Variants in EFNA5 observed in about 807,000 individuals in gnomAD.
EFNA5 encodes ephrin A5, also known as ephrin-A5.
EFNA5 carries 5 observed loss-of-function variants against 22.9 expected under a neutral mutation model. The observed-to-expected ratio is 0.22, with a 90% CI of 0.11 to 0.46. The LOEUF is 0.46. EFNA5 is among the 20% of genes least tolerant of loss of function. The pLI is 0.99. For synonymous variants in EFNA5, 113 were observed against 112.2 expected (o/e 1.01, Z -0.04); for missense variants, 237 against 293.3 (o/e 0.81, Z 1.40).
chr5:107,389,006 TGGA>T (rs964417355), intron 2 of EFNA5, among the ~76,000 whole-genome samples: 36 of 152,320 alleles, frequency 2.4e-4, no homozygotes, highest in African/African-American at 8.7e-4. Context: ...GTAACCCTCC[TGGA>T]GGAGAACTTC....
chr5:107,610,462 C>A (rs1381350117), intron 1 of EFNA5, among the ~76,000 whole-genome samples: 1 of 152,162 alleles, frequency 6.6e-6, no homozygotes. Flanking sequence ...AAACACGTTA[C>A]GTGAAAAAGC....
intron 1 of EFNA5, among the ~76,000 whole-genome samples, chr5:107,520,810 G>A (rs1747580855): frequency 6.6e-6 from 1 of 152,174 alleles, no homozygotes; most frequent in Admixed American, 6.5e-5. Context: ...GGATCAAGAT[G>A]TATTTGCTGT....
chr5:107,477,582 T>C (rs1157196010), intron 1 of EFNA5, among the ~76,000 whole-genome samples: 1 of 152,178 alleles, frequency 6.6e-6, no homozygotes, highest in East Asian at 1.9e-4. Flanking sequence ...GGATACATGT[T>C]ATAAATCTTT....
intron 2 of EFNA5, among the ~76,000 whole-genome samples, chr5:107,395,064 T>G (rs929614188): frequency 7.4e-6 from 1 of 135,660 alleles, no homozygotes; most frequent in Non-Finnish European, 1.6e-5. Flanking sequence ...CGCGAGACAG[T>G]GTCTCATTCT....
rs182878996 is a variant in EFNA5 at position 107,411,820 on chromosome 5, C to T, written c.418+15397G>A. ...AGGCTGGGCTCGAGCGACTCTCCTG[C>T]CTTGGCTTCCTAAAGCACTGGAATT... On this transcript the variant is annotated intron_variant, in intron 2 of 4. Transcript: ENST00000333274. Among the ~76,000 whole-genome samples, 26 of 152,122 alleles carry T rather than the reference C, an allele frequency of 1.7e-4. No individual in the cohort carries two copies. In the East Asian group the frequency reaches 4.8e-3, roughly 28 times the overall value.
At chr5:107,609,755 C>T (rs1749791066) in intron 1 of EFNA5, among the ~76,000 whole-genome samples, 1 of 152,076 alleles carries the variant, frequency 6.6e-6, no homozygotes, top group Admixed American at 6.6e-5. Context: ...TCCAAACACA[C>T]AGTCCTTGTG....
intron 1 of EFNA5, among the ~76,000 whole-genome samples, chr5:107,638,933 T>C (rs1298713554): frequency 1.3e-5 from 2 of 152,178 alleles, no homozygotes; most frequent in African/African-American, 4.8e-5. Flanking sequence ...CAAAACATTG[T>C]AAACCATAAA....
chr5:107,393,368 A>G (rs1418035447), intron 2 of EFNA5, among the ~76,000 whole-genome samples: 1 of 152,216 alleles, frequency 6.6e-6, no homozygotes. Context: ...TTTTAGCAGA[A>G]AAGGAAGGAA....
chr5:107,476,058 T>TATATATATATATGTATATATATATATATA lies in EFNA5; in HGVS notation c.126-48550_126-48549insTATATATATATATATACATATATATATAT. Among the ~76,000 whole-genome samples, 8 of 41,076 alleles carry TATATATATATATGTATATATATATATATA rather than the reference T, an allele frequency of 1.9e-4. 1 individual carries two copies. Among genetic ancestry groups the TATATATATATATGTATATATATATATATA allele is most frequent in the African/African-American group, 3.9e-4 (2 of 5,184 alleles). 26.9% of individuals were successfully genotyped at this position (41,076 alleles called of 152,430 possible). A position where few individuals can be genotyped will look rare whatever the true frequency, so the allele number is the denominator to read the frequency against. ...GAGAGTTTTTAAACTATATATATAT[T>TATATATATATATGTATATATATATATATA]TTTTTTTTTTGAGACAGAGTCTTGC... On this transcript the variant is annotated intron_variant, in intron 1 of 4. Transcript: ENST00000333274.
chr5:107,528,660 T>C (rs1298604111), intron 1 of EFNA5, among the ~76,000 whole-genome samples: 1 of 152,208 alleles, frequency 6.6e-6, no homozygotes, highest in African/African-American at 2.4e-5. Flanking sequence ...TAGAATGGTC[T>C]TCCTAAACAC....
At chr5:107,558,897 G>C (rs144822556) in intron 1 of EFNA5, among the ~76,000 whole-genome samples, 2 of 152,198 alleles carry the variant, frequency 1.3e-5, no homozygotes, top group East Asian at 3.8e-4. Flanking sequence ...AAAGGAAAGA[G>C]AACAAAAGAA....
Position 107,670,654 on chromosome 5 carries a change from G to A in EFNA5, c.-41C>T, listed in dbSNP as rs1447103097. The A allele has an allele frequency of 6.3e-6, 10 of 1,586,106 alleles. 1 individual carries two copies. Among genetic ancestry groups the A allele is most frequent in the Non-Finnish European group, 8.6e-6 (10 of 1,166,948 alleles). On this transcript the variant is annotated 5_prime_UTR_variant, in exon 1 of 5. Transcript: ENST00000333274. The stretch of plus-strand genomic sequence containing the variant: ...GCGGAGCCCCCGACGCGCCACTCCG[G>A]GGAGAGAGCGGGGATCCGGAGGGAG...
chr5:107,593,965 T>C (rs909825618), intron 1 of EFNA5, among the ~76,000 whole-genome samples: 3 of 152,214 alleles, frequency 2.0e-5, no homozygotes, highest in Admixed American at 6.5e-5. Flanking sequence ...TGGAGAATAC[T>C]TGCTTCTCAT....
chr5:107,635,995 T>G (rs1038218559), intron 1 of EFNA5, among the ~76,000 whole-genome samples: 1 of 152,208 alleles, frequency 6.6e-6, no homozygotes, highest in Non-Finnish European at 1.5e-5. Flanking sequence ...TTCTTATCCT[T>G]TTTATGACTT....
At chr5:107,580,105 A>C (rs1189007748) in intron 1 of EFNA5, among the ~76,000 whole-genome samples, 1 of 152,174 alleles carries the variant, frequency 6.6e-6, no homozygotes, top group African/African-American at 2.4e-5. Context: ...GGTGCTTGAC[A>C]AGTCTATATA....
intron 1 of EFNA5, among the ~76,000 whole-genome samples, chr5:107,445,476 G>C (rs1213817066): frequency 6.6e-6 from 1 of 152,176 alleles, no homozygotes; most frequent in African/African-American, 2.4e-5. Flanking sequence ...AAATGTAAAA[G>C]TCCAGTGAGA....
rs112069087 is a variant in EFNA5 at position 107,440,668 on chromosome 5, G to T, written c.126-13159C>A. Among the ~76,000 whole-genome samples the T allele has an allele frequency of 2.6e-3, 400 of 152,256 alleles. 2 individuals carry two copies. The highest frequency in any genetic ancestry group is 0.01 in the Middle Eastern group (3 of 294). On this transcript the variant is annotated intron_variant, in intron 1 of 4. Coordinates refer to ENST00000333274, the MANE Select transcript of EFNA5 (RefSeq NM_001962.3). ...GCAATCCCAGATCCCAAAGTTTCAC[G>T]ACGTACACATTAACATTTTATTGCT...
At chr5:107,450,999 C>T (rs1318977372) in intron 1 of EFNA5, among the ~76,000 whole-genome samples, 5 of 152,216 alleles carry the variant, frequency 3.3e-5, no homozygotes, top group Non-Finnish European at 7.3e-5. Context: ...AGTCAGACAG[C>T]TTTCTTTGCA....
intron 1 of EFNA5, among the ~76,000 whole-genome samples, chr5:107,647,758 C>T (rs1312091029): frequency 6.6e-6 from 1 of 152,152 alleles, no homozygotes; most frequent in African/African-American, 2.4e-5. Flanking sequence ...TCTAAGAGGA[C>T]ACATCACTGT....
Sources: allele counts gnomAD v4.1 joint callset (sites outside exome capture counted in the v4.1 genomes callset), GRCh38; gene constraint gnomAD v4.1.1; transcripts MANE v1.5; gene names NCBI Gene and HGNC (gene_info 2026-07-23, HGNC 2026-07-21).